Variants in ZNF236 observed in about 807,000 individuals in gnomAD.
The protein encoded by ZNF236 is regulated by glucose.
In ZNF236, 50 loss-of-function variants were observed where a neutral mutation model predicts 191.2. That is an observed-to-expected ratio of 0.26 (90% CI 0.21 to 0.33). The LOEUF (loss-of-function observed/expected upper bound fraction) is 0.33, where lower values mean the gene tolerates loss of function less well. ZNF236 is among the 10% of genes least tolerant of loss of function. ZNF236 has a pLI of 1.00. For synonymous variants in ZNF236, 907 were observed against 928.8 expected (o/e 0.98, Z 0.43); for missense variants, 1,754 against 2,374.5 (o/e 0.74, Z 5.43).
intron 19 of ZNF236, among the ~76,000 whole-genome samples, chr18:76,918,334 T>TA (rs1967432227): frequency 6.6e-6 from 1 of 152,236 alleles, no homozygotes; most frequent in African/African-American, 2.4e-5. Flanking sequence ...TCAAACAGCA[T>TA]AGTATCTGCA....
chr18:76,843,064 C>A (rs1273113014), intron 1 of ZNF236, among the ~76,000 whole-genome samples: 1 of 152,128 alleles, frequency 6.6e-6, no homozygotes, highest in African/African-American at 2.4e-5. Flanking sequence ...GAAAATAATG[C>A]AGACTTATTT....
Position 76,908,482 on chromosome 18 carries a change from C to T in ZNF236, c.2460C>T (p.Ala820=). ...AGGTGGTCGCAGCGAACCCCGAGGC[C>T]ATGCTGGACCTGGAGCCTCAGCATG... ...TAEVVAANPE[A]MLDLEPQHVV... Residue 820 remains alanine (A), a synonymous_variant, in exon 14 of 31, where the codon GCC becomes GCT. Coordinates refer to ENST00000320610, the MANE Select transcript of ZNF236 (RefSeq NM_001306089.2). 2 of 1,614,178 alleles carry T rather than the reference C, an allele frequency of 1.2e-6. No homozygotes were observed. The highest frequency in any genetic ancestry group is 1.7e-6 in the Non-Finnish European group (2 of 1,180,056).
rs1367507949 is a variant in ZNF236 at position 76,972,753 on chromosome 18, T to C, written c.*4414T>C. On this transcript the variant is annotated 3_prime_UTR_variant, in exon 31 of 31. Coordinates refer to ENST00000320610, the MANE Select transcript of ZNF236 (RefSeq NM_001306089.2). ...ATTTTTTTTAATTACAGAAGAATTC[T>C]CTTTTTATCTTCACAATTGTTTCAT... is the stretch of plus-strand genomic sequence containing the variant. Among the ~76,000 whole-genome samples the C allele has an allele frequency of 1.3e-5, 2 of 152,242 alleles. No homozygotes were observed. The highest frequency in any genetic ancestry group is 4.8e-5 in the African/African-American group (2 of 41,462).
At chr18:76,931,673 A>G (rs927061382) in intron 25 of ZNF236, among the ~76,000 whole-genome samples, 2 of 152,224 alleles carry the variant, frequency 1.3e-5, no homozygotes, top group Admixed American at 6.5e-5. Context: ...ATTTTAAAGC[A>G]TAGAATTTTA....
At chr18:76,917,288 G>T (rs904125646) in intron 19 of ZNF236, among the ~76,000 whole-genome samples, 1 of 152,130 alleles carries the variant, frequency 6.6e-6, no homozygotes, top group Non-Finnish European at 1.5e-5. Context: ...GGACATCCAG[G>T]CATTATTTCT....
chr18:76,856,965 T>C (rs1976056872), intron 3 of ZNF236, among the ~76,000 whole-genome samples: 1 of 152,228 alleles, frequency 6.6e-6, no homozygotes, highest in African/African-American at 2.4e-5. Flanking sequence ...TCCTCATACA[T>C]GCAGAGCAGA....
At position 76,952,817 on chromosome 18, in the gene ZNF236, AAAAAC is replaced by A. The variant is rs1162685984; in HGVS notation, c.4915-3157_4915-3153del. On this transcript the variant is annotated intron_variant, in intron 27 of 30. Coordinates refer to ENST00000320610, the MANE Select transcript of ZNF236 (RefSeq NM_001306089.2). ...CAAGTTGGTGTTTCAAAGAAAACAA[AAAAAC>A]AAAACAAAACCCAAACCCCCAAACA... 2.0e-5 allele frequency among the ~76,000 whole-genome samples: 3 copies of A among 152,314 alleles called. No individual in the cohort carries two copies. In the South Asian group the frequency reaches 6.2e-4, roughly 32 times the overall value.
rs959828101 is a variant in ZNF236, at chr18:76,875,278, C to T, written c.668-214C>T. 6.6e-6 allele frequency among the ~76,000 whole-genome samples: 1 copy of T among 152,076 alleles called. No individual in the cohort carries two copies. Among genetic ancestry groups the T allele is most frequent in the Non-Finnish European group, 1.5e-5 (1 of 68,012 alleles). ...GGAAGGATGGCATTGCCTGGGGAAG[C>T]CCACAGGTGGAGCAGTTTGCGAGAT... On this transcript the variant is annotated intron_variant, in intron 5 of 30. Coordinates refer to ENST00000320610, the MANE Select transcript of ZNF236 (RefSeq NM_001306089.2). This position sits in a 1 kb window ranked among gnomAD's most constrained non-coding sequence, Gnocchi z 4.3.
intron 1 of ZNF236, among the ~76,000 whole-genome samples, chr18:76,827,413 CCTGACCTCGTG>C: frequency 6.6e-6 from 1 of 152,256 alleles, no homozygotes; most frequent in Admixed American, 6.5e-5. Context: ...GTCTCGAACT[CCTGACCTCGTG>C]ATCCCCCCAC....
rs974176219 is a variant in ZNF236 at position 76,851,857 on chromosome 18, A to T, written c.281A>T (p.Asp94Val). The T allele has an allele frequency of 1.2e-6, 2 of 1,614,102 alleles. No homozygotes were observed. The highest frequency in any genetic ancestry group is 2.7e-5 in the African/African-American group (2 of 75,050). ...TLHKCTHSGE[D>V]PTCPVCNKKF... ...CATAAATGCACCCACAGCGGGGAAG[A>T]TCCTACCTGCCCTGTGTGTAACAAG... Residue 94 changes from aspartate (D) to valine (V), a missense_variant, in exon 3 of 31, where the codon GAT becomes GTT. Asp to Val is a radical substitution (Grantham distance 152). Transcript: ENST00000320610.
intron 1 of ZNF236, chr18:76,834,801 A>C (rs562789591): frequency 4.2e-6 from 2 of 471,950 alleles, no homozygotes; most frequent in South Asian, 3.2e-5. Context: ...AGGGAAGACA[A>C]AATCTTCCTG....
At chr18:76,939,674 G>A (rs942769702) in intron 26 of ZNF236, among the ~76,000 whole-genome samples, 2 of 152,146 alleles carry the variant, frequency 1.3e-5, no homozygotes, top group Admixed American at 1.3e-4. Flanking sequence ...TTTAAATGAT[G>A]ACGGCTGTAA....
chr18:76,840,775 C>CTGTGTGTGTGTGTGTGTGTGTGTGTGTG (rs113251935), intron 1 of ZNF236: 8 of 114,912 alleles, frequency 7.0e-5, no homozygotes, highest in African/African-American at 2.1e-4. Flanking sequence ...TCTTTATAAC[C>CTGTGTGTGTGTGTGTGTGTGTGTGTGTG]TGTGTGTGTG....
At chr18:76,858,391 A>T (rs183399970) in intron 3 of ZNF236, among the ~76,000 whole-genome samples, 1 of 152,238 alleles carries the variant, frequency 6.6e-6, no homozygotes, top group African/African-American at 2.4e-5. Context: ...ACAATTTTCA[A>T]GTAATCTACA....
intron 14 of ZNF236, among the ~76,000 whole-genome samples, chr18:76,908,993 GTGTGTGTGTGTGTT>G (rs751517391): frequency 8.7e-6 from 1 of 114,480 alleles, no homozygotes; most frequent in South Asian, 2.8e-4. Context: ...GTGTGTGTGT[GTGTGTGTGTGTGTT>G]TGGTATGCGT....
intron 27 of ZNF236, among the ~76,000 whole-genome samples, chr18:76,949,969 T>G (rs1031138577): frequency 1.2e-4 from 19 of 152,168 alleles, no homozygotes; most frequent in Non-Finnish European, 2.5e-4. Context: ...CATTACGTTT[T>G]TTTTTTAAAT....
Position 76,875,738 on chromosome 18 carries a change from T to G in ZNF236, c.840+74T>G. 1 of 1,293,854 alleles carries G rather than the reference T, an allele frequency of 7.7e-7. No individual in the cohort carries two copies. Among genetic ancestry groups the G allele is most frequent in the Non-Finnish European group, 1.0e-6 (1 of 1,002,638 alleles). 80.1% of individuals were successfully genotyped at this position (1,293,854 alleles called of 1,614,324 possible). A position where few individuals can be genotyped will look rare whatever the true frequency, so the allele number is the denominator to read the frequency against. On this transcript the variant is annotated intron_variant, in intron 6 of 30. Coordinates refer to ENST00000320610, the MANE Select transcript of ZNF236 (RefSeq NM_001306089.2). The surrounding 1 kb of genome is among the most constrained non-coding windows in gnomAD (Gnocchi z 4.3). ...TATCTTTTGGGTTAATAAACGGACCTGAGAAATTCTTTTCCATTTAAAAAA... is the reference window on the plus strand; with the variant it reads ...TATCTTTTGGGTTAATAAACGGACCGGAGAAATTCTTTTCCATTTAAAAAA...
chr18:76,905,152 A>G lies in ZNF236; in HGVS notation c.2037-3A>G, dbSNP rs1224320017. 1 of 1,592,340 alleles carries G rather than the reference A, an allele frequency of 6.3e-7. No individual in the cohort carries two copies. Among genetic ancestry groups the G allele is most frequent in the Admixed American group, 1.8e-5 (1 of 55,508 alleles). ...TTCATTAAAATGTGTATTTTTTTTT[A>G]AGATCCCATACAGGTGAAAAACCTT... On this transcript the variant is annotated splice_polypyrimidine_tract_variant and splice_region_variant and intron_variant, in intron 12 of 30. Transcript: ENST00000320610.
intron 5 of ZNF236, among the ~76,000 whole-genome samples, chr18:76,873,989 T>A (rs1285489722): frequency 7.2e-5 from 10 of 139,634 alleles, no homozygotes; most frequent in Non-Finnish European, 1.2e-4. Flanking sequence ...CAGGCAGTGC[T>A]GTGACTGGGC....
Sources: gnomAD v4.1 joint callset for allele counts (sites outside exome capture counted in the v4.1 genomes callset) on GRCh38, gnomAD v4.1.1 for gene constraint, Gnocchi (gnomAD v3.1) non-coding constraint, MANE v1.5 for transcripts, NCBI Gene and HGNC (gene_info 2026-07-23, HGNC 2026-07-21) for gene names.